Variants in GRIA3 observed in about 807,000 individuals in gnomAD.
The protein encoded by GRIA3 is glutamate receptor 3.
GRIA3 carries 3 observed loss-of-function variants against 63.0 expected under a neutral mutation model. The observed-to-expected ratio is 0.05, with a 90% CI of 0.02 to 0.12. The LOEUF is 0.12. Among genes scored for constraint, GRIA3 ranks in the 10% least tolerant of loss-of-function variants. The pLI, the probability that GRIA3 is intolerant of heterozygous loss-of-function variation, is 1.00. For synonymous variants in GRIA3, 274 were observed against 257.9 expected, an observed-to-expected ratio of 1.06 and a Z score of -0.60; for missense variants, 347 against 700.9, an observed-to-expected ratio of 0.50 and a Z score of 5.70.
chrX:123,233,985 G>C (rs1258647538), intron 2 of GRIA3, among the ~76,000 whole-genome samples: 1 of 111,428 alleles, frequency 9.0e-6, no homozygotes, highest in Non-Finnish European at 1.9e-5. Context: ...AGAAAATAAT[G>C]GTCCCTGTTT....
Position 123,311,599 on chromosome X carries a change from G to C in GRIA3, c.509-14427G>C, listed in dbSNP as rs189544468. 3.7e-4 allele frequency among the ~76,000 whole-genome samples: 42 copies of C among 112,306 alleles called. No individual in the cohort carries two copies. In the East Asian group the frequency reaches 8.4e-3, roughly 22 times the overall value. On this transcript the variant is annotated intron_variant, in intron 3 of 15. Transcript: ENST00000620443. Reference sequence around the variant, plus strand: ...ATATCTGAGAGAGTGTGAAGAATAAGTAAGGACACAAACAATAATAAAACC... The same window carrying C: ...ATATCTGAGAGAGTGTGAAGAATAACTAAGGACACAAACAATAATAAAACC...
intron 5 of GRIA3, among the ~76,000 whole-genome samples, chrX:123,359,266 A>G (rs2045153610): frequency 8.9e-6 from 1 of 112,308 alleles, no homozygotes; most frequent in Non-Finnish European, 1.9e-5. Context: ...ATGAGGCTAA[A>G]GTAGATATAT....
chrX:123,250,377 T>G (rs1409088098), intron 2 of GRIA3, among the ~76,000 whole-genome samples: 1 of 112,157 alleles, frequency 8.9e-6, no homozygotes, highest in African/African-American at 3.2e-5. Context: ...AATACAAGAT[T>G]TTTTTTAATC....
At chrX:123,294,021 G>A (rs960987926) in intron 3 of GRIA3, among the ~76,000 whole-genome samples, 1 of 101,074 alleles carries the variant, frequency 9.9e-6, no homozygotes, top group East Asian at 3.2e-4. Flanking sequence ...TTTAAGTCAG[G>A]TTTCTGTCCC....
At chrX:123,289,383 C>T (rs1013002610) in intron 3 of GRIA3, among the ~76,000 whole-genome samples, 4 of 106,985 alleles carry the variant, frequency 3.7e-5, no homozygotes, top group Non-Finnish European at 7.7e-5. Flanking sequence ...CAAACCTGCA[C>T]GTTCTGCTCA....
chrX:123,356,885 G>A (rs921602558), intron 5 of GRIA3, among the ~76,000 whole-genome samples: 1 of 111,358 alleles, frequency 9.0e-6, no homozygotes, highest in Non-Finnish European at 1.9e-5. Flanking sequence ...GTGTCGGATG[G>A]GTCATTTGAA....
At chrX:123,462,999 G>A (rs977265961) in intron 12 of GRIA3, among the ~76,000 whole-genome samples, 1 of 111,137 alleles carries the variant, frequency 9.0e-6, no homozygotes, top group African/African-American at 3.3e-5. Context: ...GGCACAGTAA[G>A]CATTTAATAT....
At chrX:123,439,783 T>C (rs1282234923) in intron 12 of GRIA3, among the ~76,000 whole-genome samples, 1 of 101,137 alleles carries the variant, frequency 9.9e-6, no homozygotes, top group Non-Finnish European at 2.0e-5. Flanking sequence ...ACTCAACTCA[T>C]ATTCTTGTTC....
chrX:123,221,014 T>G (rs772154779), intron 2 of GRIA3, among the ~76,000 whole-genome samples: 2 of 112,362 alleles, frequency 1.8e-5, no homozygotes, highest in East Asian at 5.6e-4. Context: ...TTAAATGATA[T>G]GGGATAAAAA....
chrX:123,305,239 C>T (rs781768556), intron 3 of GRIA3, among the ~76,000 whole-genome samples: 1 of 111,124 alleles, frequency 9.0e-6, no homozygotes, highest in Non-Finnish European at 1.9e-5. Context: ...AACCCACACC[C>T]ACCCAAACAC....
chrX:123,449,845 C>T (rs1400010506), intron 12 of GRIA3, among the ~76,000 whole-genome samples: 5 of 111,895 alleles, frequency 4.5e-5, no homozygotes, highest in Non-Finnish European at 9.4e-5. Flanking sequence ...ACCATACTTC[C>T]TGTCACCCAC....
chrX:123,294,776 G>A (rs1270553100), intron 3 of GRIA3, among the ~76,000 whole-genome samples: 2 of 111,244 alleles, frequency 1.8e-5, no homozygotes, highest in South Asian at 3.8e-4. Flanking sequence ...CATTTCTTAC[G>A]TGCCTACAGC....
intron 3 of GRIA3, among the ~76,000 whole-genome samples, chrX:123,286,834 T>C (rs1227134773): frequency 1.8e-5 from 2 of 111,578 alleles, no homozygotes; most frequent in Non-Finnish European, 1.9e-5. Flanking sequence ...TTACCAGAGA[T>C]ACAAAGAGGA....
At chrX:123,325,246 T>C (rs1196206281) in intron 3 of GRIA3, among the ~76,000 whole-genome samples, 1 of 111,898 alleles carries the variant, frequency 8.9e-6, no homozygotes, top group Non-Finnish European at 1.9e-5. Context: ...ACTTCAGATA[T>C]TTTGTTCTTC....
chrX:123,201,709 A>T (rs1467716174), intron 2 of GRIA3, among the ~76,000 whole-genome samples: 3 of 109,833 alleles, frequency 2.7e-5, no homozygotes, highest in Admixed American at 9.7e-5. Flanking sequence ...AAAAAAAAAA[A>T]GTAGTAAAGA....
chrX:123,285,871 T>G (rs1440336577), intron 3 of GRIA3, among the ~76,000 whole-genome samples: 5 of 110,646 alleles, frequency 4.5e-5, no homozygotes, highest in African/African-American at 1.7e-4. Context: ...AGACAGAAAA[T>G]TAACAAGGAT....
At chrX:123,473,935 A>G (rs2045875782) in intron 13 of GRIA3, among the ~76,000 whole-genome samples, 1 of 112,485 alleles carries the variant, frequency 8.9e-6, no homozygotes, top group African/African-American at 3.2e-5. Context: ...TAAGGGCACC[A>G]TTGAGGATCT....
At chrX:123,203,044 G>C (rs1314934796) in intron 2 of GRIA3, among the ~76,000 whole-genome samples, 1 of 111,801 alleles carries the variant, frequency 8.9e-6, no homozygotes, top group Non-Finnish European at 1.9e-5. Context: ...GCAATGATAG[G>C]TTATTAAAGG....
intron 4 of GRIA3, among the ~76,000 whole-genome samples, chrX:123,339,321 T>G (rs2044994593): frequency 8.9e-6 from 1 of 112,200 alleles, no homozygotes; most frequent in Non-Finnish European, 1.9e-5. Context: ...CACAATCCTT[T>G]CCAGTAGGTC....
Sources: gnomAD v4.1 joint callset for allele counts (sites outside exome capture counted in the v4.1 genomes callset) on GRCh38, gnomAD v4.1.1 for gene constraint, MANE v1.5 for transcripts, NCBI Gene and HGNC (gene_info 2026-07-23, HGNC 2026-07-21) for gene names.